Variants in ABCC1 observed in about 807,000 individuals in gnomAD.
ABCC1 encodes the protein ATP binding cassette subfamily C member 1 (ABCC1 blood group).
ABCC1 carries 83 observed loss-of-function variants against 172.9 expected under a neutral mutation model. That is an observed-to-expected ratio of 0.48 (90% CI 0.40 to 0.58). The LOEUF is 0.58. Among genes scored for constraint, ABCC1 ranks in the 20% least tolerant of loss-of-function variants. The probability of loss-of-function intolerance (pLI) is 0.00; values close to 1 mark genes in which losing one functional copy is unlikely to be tolerated. For missense variants in ABCC1, 1,817 were observed against 2,002.7 expected, an observed-to-expected ratio of 0.91 and a Z score of 1.77; for synonymous variants, 937 against 825.2, an observed-to-expected ratio of 1.14 and a Z score of -2.32.
intron 1 of ABCC1, among the ~76,000 whole-genome samples, chr16:16,002,578 G>C (rs1338659641): frequency 1.3e-5 from 2 of 152,148 alleles, no homozygotes; most frequent in Admixed American, 6.6e-5. Context: ...TTTGAGACCA[G>C]CCTGAGCAAC....
chr16:16,087,802 A>G (rs2051072983), intron 18 of ABCC1, among the ~76,000 whole-genome samples: 3 of 152,228 alleles, frequency 2.0e-5, no homozygotes, highest in Non-Finnish European at 2.9e-5. Context: ...TGGGGGGCAT[A>G]TAGATTAAGA....
chr16:16,091,638 C>T (rs549428798), intron 19 of ABCC1, among the ~76,000 whole-genome samples: 2 of 152,232 alleles, frequency 1.3e-5, no homozygotes, highest in South Asian at 2.1e-4. Flanking sequence ...CCAGCATGAG[C>T]TCAATTTGTT....
intron 3 of ABCC1, among the ~76,000 whole-genome samples, chr16:16,013,676 C>T (rs193230605): frequency 7.2e-5 from 11 of 152,152 alleles, no homozygotes; most frequent in Admixed American, 2.6e-4. Flanking sequence ...AGTGTTTGAA[C>T]GTCTGCAGAG....
At chr16:16,052,979 A>G (rs2049496791) in intron 11 of ABCC1, among the ~76,000 whole-genome samples, 163 bp downstream of exon 11, 1 of 152,180 alleles carries the variant, frequency 6.6e-6, no homozygotes. Flanking sequence ...CCCCGGCTGC[A>G]TATCTGGGAT....
In ABCC1 at chr16:16,040,800, A is replaced by G. The variant is rs1485642199; in HGVS notation, c.810-3650A>G. Among the ~76,000 whole-genome samples the G allele has an allele frequency of 4.0e-5, 6 of 151,806 alleles. No homozygotes were observed. The East Asian group carries it at 1.2e-3, about 30-fold the overall frequency. ...ACCACACCCAGCTGAGTTCTGGTTC[A>G]TAACAACCCAGGCTGTCCTGGGGAA... On this transcript the variant is annotated intron_variant, in intron 7 of 30. Transcript: ENST00000399410.
intron 7 of ABCC1, among the ~76,000 whole-genome samples, chr16:16,043,937 G>C (rs917482028): frequency 6.6e-6 from 1 of 152,200 alleles, no homozygotes; most frequent in Non-Finnish European, 1.5e-5. Context: ...AAATCAGGAA[G>C]TGTGAATCCT....
Position 16,141,368 on chromosome 16 carries a change from T to TC in ABCC1, c.*90dup. 1 of 1,271,794 alleles carries TC rather than the reference T, an allele frequency of 7.9e-7. No individual in the cohort carries two copies. Among genetic ancestry groups the TC allele is most frequent in the East Asian group, 2.4e-5 (1 of 42,548 alleles). The allele number at this position is 1,271,794 out of a possible 1,614,324, so 78.8% of individuals were successfully genotyped here. A position where few individuals can be genotyped will look rare whatever the true frequency, so the allele number is the denominator to read the frequency against. On this transcript the variant is annotated 3_prime_UTR_variant, in exon 31 of 31. Coordinates refer to ENST00000399410, the MANE Select transcript of ABCC1 (RefSeq NM_004996.4). The stretch of plus-strand genomic sequence containing the variant: ...GTCAGTACCCCTGGTAAACCAAGCC[T>TC]CCCACACTGAAACCAAAACATAAAA...
At chr16:15,998,373 C>G (rs895935750) in intron 1 of ABCC1, among the ~76,000 whole-genome samples, 9 of 152,156 alleles carry the variant, frequency 5.9e-5, no homozygotes, top group Non-Finnish European at 1.0e-4. Flanking sequence ...GCAATCCTCC[C>G]GCCTCAGCCT....
chr16:16,113,343 A>G (rs1485467356), intron 22 of ABCC1, among the ~76,000 whole-genome samples: 1 of 152,190 alleles, frequency 6.6e-6, no homozygotes, highest in Non-Finnish European at 1.5e-5. Context: ...ACAGGTGGCT[A>G]TTTTAATTTC....
intron 7 of ABCC1, 113 bp from the exon 8 acceptor site, chr16:16,044,337 T>G: frequency 1.1e-6 from 1 of 920,970 alleles, no homozygotes; most frequent in Non-Finnish European, 1.7e-6. Flanking sequence ...TCCCTGGGCT[T>G]GTTGTCTTTG....
intron 1 of ABCC1, among the ~76,000 whole-genome samples, chr16:15,962,941 C>T (rs1336966250): frequency 6.6e-6 from 1 of 152,218 alleles, no homozygotes; most frequent in African/African-American, 2.4e-5. Context: ...CTCATTTCAG[C>T]ATTAACTCAA....
intron 1 of ABCC1, among the ~76,000 whole-genome samples, chr16:15,999,858 C>CTTTCTTTCTTTCTTTCTTTCTTTCT (rs796657404): frequency 1.6e-3 from 69 of 43,150 alleles, no homozygotes; most frequent in Non-Finnish European, 2.8e-3. Flanking sequence ...TTCTTTCTTT[C>CTTTCTTTCTTTCTTTCTTTCTTTCT]TTTCTTTCTT....
intron 1 of ABCC1, among the ~76,000 whole-genome samples, chr16:15,964,899 G>A (rs1262656610): frequency 6.6e-6 from 1 of 152,164 alleles, no homozygotes; most frequent in Non-Finnish European, 1.5e-5. Context: ...TATTTTCAGT[G>A]TGTCTTTCTG....
intron 1 of ABCC1, among the ~76,000 whole-genome samples, chr16:15,976,249 A>C (rs2046489219): frequency 6.6e-6 from 1 of 152,206 alleles, no homozygotes; most frequent in Non-Finnish European, 1.5e-5. Context: ...CCTGGGCAGC[A>C]AGAGCAAAAC....
At chr16:15,974,422 T>TGGGAGTG (rs1343631630) in intron 1 of ABCC1, among the ~76,000 whole-genome samples, 4 of 151,832 alleles carry the variant, frequency 2.6e-5, no homozygotes, top group Admixed American at 2.0e-4. Flanking sequence ...GGTTACAGAG[T>TGGGAGTG]GGGAGTGGGG....
At chr16:16,074,740 C>A (rs985447506) in intron 14 of ABCC1, among the ~76,000 whole-genome samples, 2 of 152,202 alleles carry the variant, frequency 1.3e-5, no homozygotes, top group South Asian at 4.1e-4. Flanking sequence ...TTTCCTCATT[C>A]CACGTCCACT....
At chr16:16,011,922 GC>G (rs1042205087) in intron 3 of ABCC1, among the ~76,000 whole-genome samples, 2 of 151,998 alleles carry the variant, frequency 1.3e-5, no homozygotes, top group African/African-American at 4.8e-5. Flanking sequence ...ACCCACCTAG[GC>G]CCCCCAAAGT....
At chr16:16,080,866 TTTG>T (rs1288645171) in intron 16 of ABCC1, among the ~76,000 whole-genome samples, 1 of 77,000 alleles carries the variant, frequency 1.3e-5, no homozygotes, top group Admixed American at 1.4e-4. Flanking sequence ...TATGACGTTG[TTTG>T]TTGTTGTGGG....
chr16:15,984,977 C>T (rs960802394), intron 1 of ABCC1, among the ~76,000 whole-genome samples: 4 of 151,882 alleles, frequency 2.6e-5, no homozygotes, highest in African/African-American at 7.3e-5. Flanking sequence ...GTGGCATACA[C>T]CTGTGGTCCC....
Sources: allele counts gnomAD v4.1 joint callset (sites outside exome capture counted in the v4.1 genomes callset), GRCh38; gene constraint gnomAD v4.1.1; transcripts MANE v1.5; gene names NCBI Gene and HGNC (gene_info 2026-07-23, HGNC 2026-07-21).